The following VXN variants were observed in gnomAD, a reference collection of about 807,000 sequenced individuals.
The protein encoded by VXN is uncharacterized protein C8orf46.
VXN carries 7 observed loss-of-function variants against 23.1 expected under a neutral mutation model. That is an observed-to-expected ratio of 0.30 (90% CI 0.17 to 0.57). The LOEUF is 0.57. VXN is among the 20% of genes least tolerant of loss of function. VXN has a pLI of 0.91. For missense variants in VXN, 238 were observed against 272.6 expected (o/e 0.87, Z 0.89); for synonymous variants, 120 against 105.8 (o/e 1.13, Z -0.83).
chr8:66,515,860 C>T, intron 5 of VXN, 33 bp from the exon 6 acceptor site: 1 of 1,511,710 alleles, frequency 6.6e-7, no homozygotes, highest in Non-Finnish European at 8.9e-7. Context: ...GTGAGCAGAC[C>T]ACCCTCCCCA....
chr8:66,510,001 G>A (rs527747966), intron 3 of VXN, 95 bp from the exon 4 acceptor site: 78 of 1,188,306 alleles, frequency 6.6e-5, no homozygotes, highest in African/African-American at 2.6e-4. Flanking sequence ...ATTCCCTGGC[G>A]TGGTTGATTG....
At chr8:66,496,277 C>A (rs1807624772) in intron 1 of VXN, among the ~76,000 whole-genome samples, 160 bp from the exon 2 acceptor site, 1 of 152,216 alleles carries the variant, frequency 6.6e-6, no homozygotes, top group South Asian at 2.1e-4. Flanking sequence ...GTACTCAAGC[C>A]AAGTAACATC....
At chr8:66,501,807 G>A (rs1807695379) in intron 2 of VXN, among the ~76,000 whole-genome samples, 1 of 152,110 alleles carries the variant, frequency 6.6e-6, no homozygotes. Context: ...GTCCCAAAAA[G>A]GAAAGAATTG....
At chr8:66,505,153 T>C in intron 2 of VXN, 1 of 699,062 alleles carries the variant, frequency 1.4e-6, no homozygotes, top group Admixed American at 2.0e-5. Context: ...CTCATTTGCT[T>C]GCCCCATGGC....
At position 66,505,471 on chromosome 8, in the gene VXN, C is replaced by A; in HGVS notation, c.223C>A (p.Arg75=). The A allele has an allele frequency of 1.3e-6, 2 of 1,575,508 alleles. No individual in the cohort carries two copies. Among genetic ancestry groups the A allele is most frequent in the Non-Finnish European group, 1.7e-6 (2 of 1,161,754 alleles). ...CCCTGGCGACCGCCGCAGGTTTGGG[C>A]GGCTCCAGACCGCGCGGCCGCCCAC... ...RDPGDRRRFG[R]LQTARPPTAH... Residue 75 remains arginine (R), a synonymous_variant, in exon 3 of 6, where the codon CGG becomes AGG. Coordinates refer to ENST00000305454, the MANE Select transcript of VXN (RefSeq NM_152765.4).
chr8:66,503,346 A>G (rs368257111), intron 2 of VXN: 2 of 152,148 alleles, frequency 1.3e-5, no homozygotes, highest in East Asian at 3.8e-4. Flanking sequence ...CTCAGCCCCA[A>G]AGCATTGTAA....
intron 1 of VXN, 89 bp from the exon 2 acceptor site, chr8:66,496,348 C>A (rs977052439): frequency 1.2e-5 from 15 of 1,273,228 alleles, no homozygotes; most frequent in Admixed American, 1.7e-5. Context: ...TGCCTCGCCA[C>A]AGATTCAAAC....
chr8:66,512,852 T>G (rs1807840166), intron 4 of VXN, among the ~76,000 whole-genome samples: 1 of 151,354 alleles, frequency 6.6e-6, no homozygotes. Context: ...GGAGCAGAGC[T>G]ACTGACACAC....
At chr8:66,515,732 C>T (rs929187784) in intron 5 of VXN, among the ~76,000 whole-genome samples, 161 bp from the exon 6 acceptor site, 2 of 152,232 alleles carry the variant, frequency 1.3e-5, no homozygotes, top group East Asian at 1.9e-4. Flanking sequence ...CAAGGGAAGA[C>T]GTTCCTGTGA....
chr8:66,505,151 C>T (rs992350775), intron 2 of VXN: 2 of 694,696 alleles, frequency 2.9e-6, no homozygotes, highest in African/African-American at 1.8e-5. Context: ...CCCTCATTTG[C>T]TTGCCCCATG....
chr8:66,504,824 C>A (rs945899291), intron 2 of VXN, among the ~76,000 whole-genome samples: 1 of 152,196 alleles, frequency 6.6e-6, no homozygotes, highest in African/African-American at 2.4e-5. Context: ...GCACCCCGTG[C>A]CCCCTGCTCC....
intron 2 of VXN, among the ~76,000 whole-genome samples, chr8:66,498,451 C>T (rs896984663): frequency 6.6e-6 from 1 of 152,048 alleles, no homozygotes; most frequent in African/African-American, 2.4e-5. Context: ...AAATGTATTA[C>T]CTTTTTATTT....
At chr8:66,506,003 C>G (rs1322157602) in intron 3 of VXN, among the ~76,000 whole-genome samples, 1 of 152,002 alleles carries the variant, frequency 6.6e-6, no homozygotes, top group Non-Finnish European at 1.5e-5. Flanking sequence ...AGGCTGGTCT[C>G]GAACTCCTGA....
intron 2 of VXN, among the ~76,000 whole-genome samples, chr8:66,498,257 C>G (rs980198390): frequency 1.3e-5 from 2 of 151,642 alleles, no homozygotes; most frequent in African/African-American, 4.8e-5. Flanking sequence ...TCATGTGAGC[C>G]AGGGAGTTCG....
intron 3 of VXN, among the ~76,000 whole-genome samples, chr8:66,506,696 T>G (rs942892662): frequency 1.3e-5 from 2 of 152,144 alleles, no homozygotes; most frequent in African/African-American, 4.8e-5. Context: ...AGTTTTCCAT[T>G]TGTAGATGCT....
In VXN at chr8:66,516,025, G is replaced by A. The variant is rs766323693; in HGVS notation, c.573G>A (p.Lys191=). Residue 191 remains lysine, a synonymous_variant, in exon 6 of 6, where the codon AAG becomes AAA. Transcript: ENST00000305454. ...GILRKMWTRH[K]KKSEYVGATN... is the part of the protein sequence containing the mutation. The stretch of plus-strand genomic sequence containing the variant: ...TCCGGAAAATGTGGACAAGGCACAA[G>A]AAGAAGTCTGAATATGTGGGAGCCA... 8.1e-6 allele frequency: 13 copies of A among 1,613,464 alleles called. No individual in the cohort carries two copies. Among genetic ancestry groups the A allele is most frequent in the Non-Finnish European group, 1.1e-5 (13 of 1,179,974 alleles).
rs574626914 is a variant in VXN at position 66,495,334 on chromosome 8, C to T, written c.71-1103C>T. Reference sequence around the variant, plus strand: ...TTTTTAAAGGAAGAAAAAGTCAAAACGAAGTGGTTAAGAGACTGCTGCCAC... The same window carrying T: ...TTTTTAAAGGAAGAAAAAGTCAAAATGAAGTGGTTAAGAGACTGCTGCCAC... On this transcript the variant is annotated intron_variant, in intron 1 of 5. Transcript: ENST00000305454. Among the ~76,000 whole-genome samples, 32 of 152,278 alleles carry T rather than the reference C, an allele frequency of 2.1e-4. No individual in the cohort carries two copies. In the South Asian group the frequency reaches 3.1e-3, roughly 15 times the overall value.
In VXN at chr8:66,493,701, C is replaced by T. The variant is rs746600549; in HGVS notation, c.53C>T (p.Thr18Ile). ...GACGAGAACATAGAAGTTTTCACCA[C>T]CGTGATTCCTTCCAAGGGTGAGTGA... ...CSDENIEVFT[T>I]VIPSKVSSPA... is the part of the protein sequence containing the mutation. The change falls in exon 1 of 6, where the codon ACC (threonine) becomes ATC (isoleucine). Residue 18 changes from threonine to isoleucine, a missense_variant. Transcript: ENST00000305454. 6.2e-7 allele frequency: 1 copy of T among 1,613,216 alleles called. No individual in the cohort carries two copies. Among genetic ancestry groups the T allele is most frequent in the Non-Finnish European group, 8.5e-7 (1 of 1,179,720 alleles).
chr8:66,499,233 T>G (rs1807662159), intron 2 of VXN, among the ~76,000 whole-genome samples: 1 of 149,468 alleles, frequency 6.7e-6, no homozygotes, highest in Non-Finnish European at 1.5e-5. Flanking sequence ...TTTTTTTTTT[T>G]TTTTTTTTTT....
Sources: gnomAD v4.1 joint callset for allele counts (sites outside exome capture counted in the v4.1 genomes callset) on GRCh38, gnomAD v4.1.1 for gene constraint, MANE v1.5 for transcripts, NCBI Gene and HGNC (gene_info 2026-07-23, HGNC 2026-07-21) for gene names.